Variants in VPS35 observed in about 807,000 individuals in gnomAD.
VPS35 encodes vacuolar protein sorting-associated protein 35.
In VPS35, 21 loss-of-function variants were observed where a neutral mutation model predicts 98.1. The observed-to-expected ratio is 0.21, with a 90% confidence interval of 0.15 to 0.31. The LOEUF (loss-of-function observed/expected upper bound fraction) is 0.31, where lower values mean the gene tolerates loss of function less well. Ranked by LOEUF, VPS35 falls within the 10% of genes least tolerant of loss-of-function variation. The pLI, the probability that VPS35 is intolerant of heterozygous loss-of-function variation, is 1.00. For synonymous variants in VPS35, 268 were observed against 318.2 expected (o/e 0.84, Z 1.68); for missense variants, 554 against 950.8 (o/e 0.58, Z 5.49).
At chr16:46,669,977 T>C (rs1966044610) in intron 12 of VPS35, among the ~76,000 whole-genome samples, 1 of 152,170 alleles carries the variant, frequency 6.6e-6, no homozygotes. Flanking sequence ...TTTAAGACCA[T>C]TTAAGTCAAG....
chr16:46,688,339 T>C, intron 1 of VPS35: 1 of 987,078 alleles, frequency 1.0e-6, no homozygotes. Context: ...ACACAAAGAT[T>C]CACATTTTGA....
intron 1 of VPS35, among the ~76,000 whole-genome samples, chr16:46,686,010 T>A (rs941986502): frequency 5.3e-5 from 8 of 152,190 alleles, no homozygotes; most frequent in Admixed American, 5.2e-4. Flanking sequence ...TAAAACTTTT[T>A]ATCTTTACAA....
In VPS35 at chr16:46,660,280, C is replaced by T. The variant is rs1486275580; in HGVS notation, c.*192G>A. 9.9e-6 allele frequency: 4 copies of T among 404,630 alleles called. No individual in the cohort carries two copies. In the East Asian group the frequency reaches 2.0e-4, roughly 20 times the overall value. The allele number at this position is 404,630 out of a possible 1,614,324, so 25.1% of individuals were successfully genotyped here. A position where few individuals can be genotyped will look rare whatever the true frequency, so the allele number is the denominator to read the frequency against. ...TGGGGTGATCAGAAAGACTTGAACA[C>T]TTACCAAGTGAATAATTTTATTAAG... On this transcript the variant is annotated 3_prime_UTR_variant, in exon 17 of 17. Coordinates refer to ENST00000299138, the MANE Select transcript of VPS35 (RefSeq NM_018206.6).
At chr16:46,664,466 T>A (rs11247473) in intron 13 of VPS35, among the ~76,000 whole-genome samples, 4,893 of 150,820 alleles carry the variant, frequency 0.032, 98 homozygotes, top group South Asian at 0.072. Context: ...CCTTATTTTC[T>A]TGAGAGTTAA....
chr16:46,687,261 A>T (rs1966331164), intron 1 of VPS35, among the ~76,000 whole-genome samples: 1 of 152,234 alleles, frequency 6.6e-6, no homozygotes, highest in Non-Finnish European at 1.5e-5. Flanking sequence ...GAACTATTTT[A>T]AAAATGATGA....
chr16:46,662,261 C>G lies in VPS35; in HGVS notation c.2049G>C (p.Thr683=). 1 of 1,614,034 alleles carries G rather than the reference C, an allele frequency of 6.2e-7. No homozygotes were observed. Among genetic ancestry groups the G allele is most frequent in the Non-Finnish European group, 8.5e-7 (1 of 1,180,000 alleles). The change falls in exon 15 of 17, where the codon ACG becomes ACC. Residue 683 remains threonine, a synonymous_variant. Transcript: ENST00000299138. ...ACCTTACCTCCTCCCCATTTTTGTC[C>G]GTGTTTCTGCCAGACCAGAAGAGAT... ...CAHLFWSGRN[T]DKNGEELHGG...
chr16:46,681,647 C>T (rs1470209477), intron 3 of VPS35, 147 bp from the exon 4 acceptor site: 16 of 954,718 alleles, frequency 1.7e-5, no homozygotes, highest in South Asian at 1.5e-4. Flanking sequence ...GAATTTTAGC[C>T]GGACTTTTCT....
intron 4 of VPS35, among the ~76,000 whole-genome samples, chr16:46,681,116 T>C (rs1966227817): frequency 6.8e-6 from 1 of 147,584 alleles, no homozygotes; most frequent in Non-Finnish European, 1.5e-5. Flanking sequence ...AAGAGAACAA[T>C]TATATTAATT....
chr16:46,662,825 TACA>T, intron 14 of VPS35, among the ~76,000 whole-genome samples, 155 bp downstream of exon 14: 1 of 152,306 alleles, frequency 6.6e-6, no homozygotes, highest in Non-Finnish European at 1.5e-5. Flanking sequence ...ACCAGTCAAT[TACA>T]ACAATAATAT....
At chr16:46,674,116 T>C (rs759114619) in intron 10 of VPS35, among the ~76,000 whole-genome samples, 198 bp downstream of exon 10, 3 of 152,122 alleles carry the variant, frequency 2.0e-5, no homozygotes, top group South Asian at 2.1e-4. Context: ...CTATGGTCCA[T>C]AGGTACCACA....
In VPS35 at chr16:46,677,297, T is replaced by C; in HGVS notation, c.804+18A>G. The C allele has an allele frequency of 6.2e-7, 1 of 1,607,566 alleles. No homozygotes were observed. The highest frequency in any genetic ancestry group is 8.5e-7 in the Non-Finnish European group (1 of 1,174,444). ...ATAAAATAGGTCGTTTAAAAAAAAA[T>C]GAAATGTTCCCAGCTACCTGAATAA... On this transcript the variant is annotated intron_variant, in intron 7 of 16. Transcript: ENST00000299138.
chr16:46,685,533 A>T (rs944992334), intron 1 of VPS35, among the ~76,000 whole-genome samples: 2 of 152,148 alleles, frequency 1.3e-5, no homozygotes, highest in Non-Finnish European at 1.5e-5. Flanking sequence ...GCACAAACAA[A>T]TTTCAAAGAA....
Position 46,660,458 on chromosome 16 carries a change from G to T in VPS35, c.*14C>A. 6.2e-7 allele frequency: 1 copy of T among 1,612,960 alleles called. No individual in the cohort carries two copies. Among genetic ancestry groups the T allele is most frequent in the South Asian group, 1.1e-5 (1 of 91,068 alleles). On this transcript the variant is annotated 3_prime_UTR_variant, in exon 17 of 17. Transcript: ENST00000299138. ...GGATGTACATGGAAAGGAGTATGGT[G>T]AGCTATTTCCTTTTTAAAGGATGAG...
rs992118803 is a variant in VPS35 at position 46,662,088 on chromosome 16, C to T, written c.2067+155G>A. 5 of 1,417,426 alleles carry T rather than the reference C, an allele frequency of 3.5e-6. No individual in the cohort carries two copies. In the African/African-American group the frequency reaches 5.7e-5, roughly 16 times the overall value. The allele number at this position is 1,417,426 out of a possible 1,614,324, so 87.8% of individuals were successfully genotyped here. On this transcript the variant is annotated intron_variant, in intron 15 of 16. Transcript: ENST00000299138. ...CAATATCCTCAAAGCAGAGGCTTCA[C>T]TACAGGATGAGACTCTCTTTTTTAA...
intron 2 of VPS35, chr16:46,682,956 C>T (rs1297796808): frequency 1.3e-5 from 2 of 157,776 alleles, no homozygotes; most frequent in Non-Finnish European, 2.8e-5. Flanking sequence ...CACAGATTAT[C>T]TCTTACTTTA....
At chr16:46,677,493 CG>C in intron 6 of VPS35, 95 bp from the exon 7 acceptor site, 1 of 1,035,570 alleles carries the variant, frequency 9.7e-7, no homozygotes, top group Non-Finnish European at 1.5e-6. Context: ...ACTTGAAAAT[CG>C]TATTTGAGAT....
At chr16:46,667,047 G>A (rs931860845) in intron 13 of VPS35, among the ~76,000 whole-genome samples, 6 of 152,138 alleles carry the variant, frequency 3.9e-5, no homozygotes, top group African/African-American at 1.4e-4. Context: ...CCTCCATACT[G>A]TTTTCCATAA....
chr16:46,681,857 G>C (rs1410422090), intron 3 of VPS35: 2 of 561,276 alleles, frequency 3.6e-6, no homozygotes, highest in African/African-American at 3.8e-5. Context: ...TCTGAAAATT[G>C]AGATGCACCG....
At chr16:46,678,051 A>T (rs1966177445) in intron 6 of VPS35, among the ~76,000 whole-genome samples, 1 of 152,364 alleles carries the variant, frequency 6.6e-6, no homozygotes, top group Admixed American at 6.5e-5. Flanking sequence ...TTTATCAAAA[A>T]TAACTGATCA....
Sources: gnomAD v4.1 joint callset for allele counts (sites outside exome capture counted in the v4.1 genomes callset) on GRCh38, gnomAD v4.1.1 for gene constraint, MANE v1.5 for transcripts, NCBI Gene and HGNC (gene_info 2026-07-23, HGNC 2026-07-21) for gene names.